Variants in SNTG1 observed in about 807,000 individuals in gnomAD.
SNTG1 encodes gamma-1-syntrophin.
Under a neutral mutation model 74.7 loss-of-function variants are expected in SNTG1, and 39 were observed. The observed-to-expected ratio is 0.52, with a 90% CI of 0.40 to 0.68. SNTG1 has a LOEUF of 0.68. Ranked by LOEUF, SNTG1 falls within the 30% of genes least tolerant of loss-of-function variation. The pLI is 0.00. For missense variants in SNTG1, 685 were observed against 609.5 expected (o/e 1.12, Z -1.30); for synonymous variants, 254 against 217.1 (o/e 1.17, Z -1.49).
At position 50,517,319 on chromosome 8, in the gene SNTG1, C is replaced by T. The variant is rs111825968; in HGVS notation, c.467-12858C>T. Among the ~76,000 whole-genome samples the T allele has an allele frequency of 2.0e-3, 302 of 152,148 alleles. 2 individuals carry two copies. The highest frequency in any genetic ancestry group is 6.7e-3 in the African/African-American group (280 of 41,500). ...AGTGCTAAATATGGAAAGGAAAAAC[C>T]GATACCAGCCACTGCAAAAGTATAC... On this transcript the variant is annotated intron_variant, in intron 9 of 18. Transcript: ENST00000642720.
At chr8:50,006,305 T>C (rs1815232823) in intron 1 of SNTG1, among the ~76,000 whole-genome samples, 1 of 152,194 alleles carries the variant, frequency 6.6e-6, no homozygotes, top group South Asian at 2.1e-4. Context: ...TAAAATTTTC[T>C]ATATTTTCAT....
chr8:50,005,440 C>T, intron 1 of SNTG1, among the ~76,000 whole-genome samples: 1 of 147,948 alleles, frequency 6.8e-6, no homozygotes, highest in Non-Finnish European at 1.5e-5. Flanking sequence ...GAGATTATTT[C>T]AATACAATGA....
chr8:50,624,164 T>C (rs1466444830), intron 13 of SNTG1, among the ~76,000 whole-genome samples: 1 of 152,010 alleles, frequency 6.6e-6, no homozygotes, highest in Non-Finnish European at 1.5e-5. Flanking sequence ...CACATAGTCA[T>C]ATATCACAAA....
intron 2 of SNTG1, among the ~76,000 whole-genome samples, chr8:50,330,203 T>C (rs758219647): frequency 6.6e-6 from 1 of 152,162 alleles, no homozygotes; most frequent in Non-Finnish European, 1.5e-5. Flanking sequence ...TGAGATCTGA[T>C]GTTTTTATAA....
At chr8:50,087,591 C>G (rs1343919039) in intron 1 of SNTG1, among the ~76,000 whole-genome samples, 1 of 151,996 alleles carries the variant, frequency 6.6e-6, no homozygotes, top group East Asian at 1.9e-4. Context: ...ATATAATAGT[C>G]TATAAATATA....
intron 9 of SNTG1, among the ~76,000 whole-genome samples, chr8:50,503,986 C>T (rs1034558756): frequency 6.6e-6 from 1 of 152,144 alleles, no homozygotes; most frequent in African/African-American, 2.4e-5. Flanking sequence ...CCTGTCCCTC[C>T]TCCCACCCTA....
intron 15 of SNTG1, among the ~76,000 whole-genome samples, chr8:50,665,071 T>C (rs187311021): frequency 1.3e-5 from 2 of 152,276 alleles, no homozygotes; most frequent in Admixed American, 1.3e-4. Flanking sequence ...CAGCCTGGTA[T>C]TACAAATAAG....
intron 1 of SNTG1, among the ~76,000 whole-genome samples, chr8:50,088,097 C>G (rs1332413691): frequency 8.0e-5 from 12 of 150,624 alleles, no homozygotes. Flanking sequence ...CATGTCCCTA[C>G]AAAGGACACG....
intron 17 of SNTG1, among the ~76,000 whole-genome samples, chr8:50,751,268 T>G (rs551293592): frequency 6.6e-6 from 1 of 152,152 alleles, no homozygotes; most frequent in East Asian, 1.9e-4. Flanking sequence ...ACTTTGGACA[T>G]GCATGTTTTT....
At chr8:50,620,832 G>T (rs111331430) in intron 13 of SNTG1, among the ~76,000 whole-genome samples, 4,901 of 152,178 alleles carry the variant, frequency 0.032, 119 homozygotes, top group African/African-American at 0.058. Flanking sequence ...AGTATAAGAA[G>T]GGTGGAGCAA....
At chr8:50,756,774 T>G (rs747567146) in intron 18 of SNTG1, among the ~76,000 whole-genome samples, 4 of 151,754 alleles carry the variant, frequency 2.6e-5, no homozygotes, top group Admixed American at 6.6e-5. Flanking sequence ...TCTCTATATA[T>G]TTTAGAATCA....
chr8:50,438,763 CAA>C (rs2093330675), intron 5 of SNTG1, among the ~76,000 whole-genome samples, 164 bp downstream of exon 5: 1 of 148,888 alleles, frequency 6.7e-6, no homozygotes, highest in Admixed American at 6.6e-5. Flanking sequence ...AGAATTCCTG[CAA>C]ACTCTTACCA....
At chr8:50,195,257 A>G (rs1586653582) in intron 2 of SNTG1, among the ~76,000 whole-genome samples, 1 of 152,064 alleles carries the variant, frequency 6.6e-6, no homozygotes, top group South Asian at 2.1e-4. Flanking sequence ...CACAGCTCCC[A>G]TGCAAACCTA....
At chr8:50,682,071 C>T (rs1041817513) in intron 15 of SNTG1, among the ~76,000 whole-genome samples, 6 of 152,096 alleles carry the variant, frequency 3.9e-5, no homozygotes, top group Admixed American at 3.3e-4. Flanking sequence ...TCCTTGGTAC[C>T]AAAAAGAAGA....
chr8:50,039,405 A>C (rs1818435717), intron 1 of SNTG1, among the ~76,000 whole-genome samples: 1 of 138,136 alleles, frequency 7.2e-6, no homozygotes, highest in Non-Finnish European at 1.5e-5. Flanking sequence ...CAGTGAGCCG[A>C]GATCGCGCCA....
intron 8 of SNTG1, among the ~76,000 whole-genome samples, chr8:50,452,603 G>A (rs889436609): frequency 3.9e-5 from 6 of 152,280 alleles, no homozygotes; most frequent in African/African-American, 1.2e-4. Context: ...AGATTAGAAC[G>A]CACCAATAAT....
chr8:50,224,307 C>G (rs1263092172), intron 2 of SNTG1, among the ~76,000 whole-genome samples: 2 of 152,152 alleles, frequency 1.3e-5, no homozygotes, highest in East Asian at 1.9e-4. Context: ...TTTTCAAGCA[C>G]TATCATACTT....
intron 18 of SNTG1, among the ~76,000 whole-genome samples, chr8:50,759,255 A>G (rs2095590556): frequency 6.6e-6 from 1 of 152,048 alleles, no homozygotes; most frequent in Non-Finnish European, 1.5e-5. Context: ...CCCATTCTGT[A>G]GGTGGCCTGT....
intron 1 of SNTG1, among the ~76,000 whole-genome samples, chr8:50,025,980 G>A (rs887424047): frequency 5.3e-5 from 8 of 152,068 alleles, no homozygotes; most frequent in Admixed American, 4.6e-4. Flanking sequence ...TAGGTCTGTG[G>A]CCCAGATTTT....
Sources: allele counts gnomAD v4.1 joint callset (sites outside exome capture counted in the v4.1 genomes callset), GRCh38; gene constraint gnomAD v4.1.1; transcripts MANE v1.5; gene names NCBI Gene and HGNC (gene_info 2026-07-23, HGNC 2026-07-21).